The following CAMTA1 variants were observed in gnomAD, a reference collection of about 807,000 sequenced individuals.
The protein encoded by CAMTA1 is calmodulin binding transcription activator 1, also known as calmodulin-binding transcription activator 1.
In CAMTA1, 27 loss-of-function variants were observed where a neutral mutation model predicts 170.9. The observed-to-expected ratio is 0.16, with a 90% CI of 0.12 to 0.22. CAMTA1 has a LOEUF of 0.22. Ranked by LOEUF, CAMTA1 falls within the 10% of genes least tolerant of loss-of-function variation. The probability of loss-of-function intolerance (pLI) is 1.00; values close to 1 mark genes in which losing one functional copy is unlikely to be tolerated. For synonymous variants in CAMTA1, 833 were observed against 891.5 expected (o/e 0.93, Z 1.17); for missense variants, 1,619 against 2,217.2 (o/e 0.73, Z 5.42).
At chr1:7,675,412 A>G (rs2096107883) in intron 10 of CAMTA1, among the ~76,000 whole-genome samples, 1 of 152,206 alleles carries the variant, frequency 6.6e-6, no homozygotes, top group Admixed American at 6.5e-5. Flanking sequence ...GGCTTGATCT[A>G]AATGATGTCT....
At chr1:7,623,118 A>G (rs574606978) in intron 6 of CAMTA1, among the ~76,000 whole-genome samples, 1 of 152,304 alleles carries the variant, frequency 6.6e-6, no homozygotes, top group African/African-American at 2.4e-5. Context: ...ATACCACTTC[A>G]TGCCATCCAG....
intron 6 of CAMTA1, among the ~76,000 whole-genome samples, chr1:7,497,230 A>G (rs908837437): frequency 6.6e-5 from 10 of 152,146 alleles, no homozygotes; most frequent in African/African-American, 2.4e-4. Context: ...ATCCCCACCC[A>G]TCAGACACGA....
intron 3 of CAMTA1, among the ~76,000 whole-genome samples, chr1:6,937,169 CCAT>C (rs1227795891): frequency 2.7e-5 from 4 of 149,976 alleles, no homozygotes; most frequent in Admixed American, 6.6e-5. Context: ...GTCATCACCA[CCAT>C]AACCATCACT....
At chr1:7,265,516 G>A (rs1297771672) in intron 5 of CAMTA1, among the ~76,000 whole-genome samples, 2 of 152,104 alleles carry the variant, frequency 1.3e-5, no homozygotes, top group African/African-American at 4.8e-5. Flanking sequence ...GTTTCGCCAT[G>A]TTGGCCAGGC....
intron 21 of CAMTA1, among the ~76,000 whole-genome samples, chr1:7,753,170 C>T (rs907765617): frequency 6.6e-6 from 1 of 152,240 alleles, no homozygotes; most frequent in Non-Finnish European, 1.5e-5. Context: ...CCTGTGACCC[C>T]AGCATTCTGT....
At chr1:6,889,006 A>G (rs531027066) in intron 3 of CAMTA1, among the ~76,000 whole-genome samples, 11 of 152,330 alleles carry the variant, frequency 7.2e-5, no homozygotes, top group African/African-American at 2.6e-4. Context: ...TGTAAACTTC[A>G]GTTATTTATT....
At chr1:7,203,008 AC>A (rs1656995783) in intron 4 of CAMTA1, among the ~76,000 whole-genome samples, 1 of 152,078 alleles carries the variant, frequency 6.6e-6, no homozygotes, top group African/African-American at 2.4e-5. Flanking sequence ...TAGCTGTGGG[AC>A]TTTTGTAGGT....
At position 6,941,229 on chromosome 1, in the gene CAMTA1, A is replaced by G. The variant is rs2149428921; in HGVS notation, c.234+116019A>G. Among the ~76,000 whole-genome samples the G allele has an allele frequency of 1.3e-5, 2 of 152,136 alleles. 1 individual carries two copies. The highest frequency in any genetic ancestry group is 4.2e-4 in the South Asian group (2 of 4,808). On this transcript the variant is annotated intron_variant, in intron 3 of 22. Coordinates refer to ENST00000303635, the MANE Select transcript of CAMTA1 (RefSeq NM_015215.4). Reference sequence around the variant, plus strand: ...ATGTAGAGTTCCAGCATGACTGGGAATTGTTTTCAGTTGTCTGCGGGGCAC... The same window carrying G: ...ATGTAGAGTTCCAGCATGACTGGGAGTTGTTTTCAGTTGTCTGCGGGGCAC...
chr1:7,439,279 C>T (rs2092447650), intron 5 of CAMTA1, among the ~76,000 whole-genome samples: 1 of 152,186 alleles, frequency 6.6e-6, no homozygotes, highest in Non-Finnish European at 1.5e-5. Context: ...GGTGGGGGAT[C>T]TGTGTCCCCT....
rs148654699 is a variant in CAMTA1 at position 6,903,450 on chromosome 1, T to C, written c.234+78240T>C. On this transcript the variant is annotated intron_variant, in intron 3 of 22. Coordinates refer to ENST00000303635, the MANE Select transcript of CAMTA1 (RefSeq NM_015215.4). ...CTTTTACAGCTGTTTTATTGAATCC[T>C]AAGTTTATTTAGAACCATTTATTCT... Among the ~76,000 whole-genome samples the C allele has an allele frequency of 3.4e-3, 518 of 152,394 alleles. 4 individuals carry two copies. The highest frequency in any genetic ancestry group is 0.011 in the African/African-American group (453 of 41,598).
At chr1:6,830,601 C>G (rs1032367880) in intron 3 of CAMTA1, among the ~76,000 whole-genome samples, 4 of 152,106 alleles carry the variant, frequency 2.6e-5, no homozygotes, top group African/African-American at 7.2e-5. Context: ...CCTCAGCCTC[C>G]CAAAGTGCTT....
rs551988633 is a variant in CAMTA1, at chr1:7,117,849, G to A, written c.302+26478G>A. Among the ~76,000 whole-genome samples the A allele has an allele frequency of 1.4e-4, 21 of 152,220 alleles. No individual in the cohort carries two copies. The East Asian group carries it at 2.7e-3, about 20-fold the overall frequency. On this transcript the variant is annotated intron_variant, in intron 4 of 22. Coordinates refer to ENST00000303635, the MANE Select transcript of CAMTA1 (RefSeq NM_015215.4). Reference sequence around the variant, plus strand: ...CTCTCGCTTCTTCCAGCCAATTCCCGTTCTGCTGTGGTCATCCTGCTGTCC... The same window carrying A: ...CTCTCGCTTCTTCCAGCCAATTCCCATTCTGCTGTGGTCATCCTGCTGTCC...
At chr1:7,637,162 C>T (rs767560123) in intron 6 of CAMTA1, among the ~76,000 whole-genome samples, 1 of 152,260 alleles carries the variant, frequency 6.6e-6, no homozygotes, top group Non-Finnish European at 1.5e-5. Context: ...CTTTGCCCCA[C>T]AAGACCCTGT....
rs554292763 is a variant in CAMTA1, at chr1:7,701,380, G to A, written c.2914+23647G>A. Among the ~76,000 whole-genome samples, 4 of 152,232 alleles carry A rather than the reference G, an allele frequency of 2.6e-5. No individual in the cohort carries two copies. The South Asian group carries it at 8.3e-4, about 32-fold the overall frequency. ...TGGGTTCATCCTGAGACCCTCAGCA[G>A]GGTTAGGGCTGATATATCAACTCCC... On this transcript the variant is annotated intron_variant, in intron 11 of 22. Coordinates refer to ENST00000303635, the MANE Select transcript of CAMTA1 (RefSeq NM_015215.4).
At chr1:6,928,677 A>G (rs1465180455) in intron 3 of CAMTA1, among the ~76,000 whole-genome samples, 1 of 152,150 alleles carries the variant, frequency 6.6e-6, no homozygotes, top group Non-Finnish European at 1.5e-5. Context: ...TTCTCACCCC[A>G]GGACCTTTGC....
chr1:6,842,458 C>A (rs1015548854), intron 3 of CAMTA1, among the ~76,000 whole-genome samples: 2 of 152,206 alleles, frequency 1.3e-5, no homozygotes, highest in Non-Finnish European at 2.9e-5. Flanking sequence ...CTGGGCCCTA[C>A]CACAAACTAA....
intron 4 of CAMTA1, among the ~76,000 whole-genome samples, chr1:7,194,970 T>C (rs1044760260): frequency 6.6e-6 from 1 of 152,246 alleles, no homozygotes; most frequent in Non-Finnish European, 1.5e-5. Flanking sequence ...TTGATTCCTA[T>C]AAACAGTACG....
At chr1:7,122,697 T>C (rs1321461937) in intron 4 of CAMTA1, among the ~76,000 whole-genome samples, 1 of 152,140 alleles carries the variant, frequency 6.6e-6, no homozygotes, top group African/African-American at 2.4e-5. Flanking sequence ...CTGTTGTTGC[T>C]GAGTGTGGCT....
chr1:6,833,524 A>G (rs1435702155), intron 3 of CAMTA1, among the ~76,000 whole-genome samples: 1 of 152,234 alleles, frequency 6.6e-6, no homozygotes, highest in Non-Finnish European at 1.5e-5. Context: ...TGAGTATCAT[A>G]CTGACTGTTC....
Sources: gnomAD v4.1 joint callset for allele counts (sites outside exome capture counted in the v4.1 genomes callset) on GRCh38, gnomAD v4.1.1 for gene constraint, MANE v1.5 for transcripts, NCBI Gene and HGNC (gene_info 2026-07-23, HGNC 2026-07-21) for gene names.